Variants in AMN1 observed in about 807,000 individuals in gnomAD.
The protein encoded by AMN1 is protein AMN1 homolog.
AMN1 carries 20 observed loss-of-function variants against 33.0 expected under a neutral mutation model. The ratio of observed to expected loss-of-function variants is 0.61; its 90% confidence interval spans 0.43 to 0.88. The LOEUF is 0.88. Ranked by LOEUF, AMN1 falls within the 40% of genes least tolerant of loss-of-function variation. The pLI, the probability that AMN1 is intolerant of heterozygous loss-of-function variation, is 0.00. For synonymous variants in AMN1, 114 were observed against 111.9 expected (o/e 1.02, Z -0.12); for missense variants, 246 against 307.4 (o/e 0.80, Z 1.49).
intron 1 of AMN1, among the ~76,000 whole-genome samples, chr12:31,724,532 C>CAT (rs1005100477): frequency 1.1e-4 from 16 of 152,016 alleles, no homozygotes; most frequent in Admixed American, 5.2e-4. Flanking sequence ...TTCCATTTAA[C>CAT]ATATATATAT....
At chr12:31,702,830 C>T (rs375456860) in intron 2 of AMN1, among the ~76,000 whole-genome samples, 45 of 152,250 alleles carry the variant, frequency 3.0e-4, no homozygotes, top group African/African-American at 1.0e-3. Context: ...CTCCGCCTCC[C>T]GGGTTCAAGC....
chr12:31,682,123 AAC>A (rs1938043186), intron 6 of AMN1, among the ~76,000 whole-genome samples: 1 of 152,238 alleles, frequency 6.6e-6, no homozygotes, highest in Non-Finnish European at 1.5e-5. Flanking sequence ...AACGAAGTTA[AAC>A]AGTTTCTTAG....
chr12:31,706,621 A>G (rs1939251209), intron 2 of AMN1, among the ~76,000 whole-genome samples: 1 of 152,254 alleles, frequency 6.6e-6, no homozygotes, highest in South Asian at 2.1e-4. Flanking sequence ...CTGCTATTTA[A>G]TAACCTTTAA....
intron 1 of AMN1, among the ~76,000 whole-genome samples, chr12:31,725,770 A>G (rs566709095): frequency 2.0e-5 from 3 of 152,142 alleles, no homozygotes; most frequent in South Asian, 2.1e-4. Flanking sequence ...ATCTTGGCTC[A>G]CTCCAAGCTC....
At chr12:31,705,785 A>C (rs1306414623) in intron 2 of AMN1, among the ~76,000 whole-genome samples, 1 of 152,178 alleles carries the variant, frequency 6.6e-6, no homozygotes, top group African/African-American at 2.4e-5. Flanking sequence ...CTGTGCAGAC[A>C]ACATACAAAA....
rs144883099 is a variant in AMN1, at chr12:31,700,968, C to A, written c.316+895G>T. 8.3e-3 allele frequency among the ~76,000 whole-genome samples: 1,266 copies of A among 151,970 alleles called. 16 individuals are homozygous for A. The highest frequency in any genetic ancestry group is 0.029 in the African/African-American group (1,193 of 41,420). The stretch of plus-strand genomic sequence containing the variant: ...CCTCCCAAAGTGCTGGGATTACAGG[C>A]GTGAGCCAACACGCCTGGCCAATTT... On this transcript the variant is annotated intron_variant, in intron 3 of 6. Coordinates refer to ENST00000281471, the MANE Select transcript of AMN1 (RefSeq NM_001113402.2).
chr12:31,686,218 G>A (rs2139667758), intron 6 of AMN1, among the ~76,000 whole-genome samples: 1 of 152,258 alleles, frequency 6.6e-6, no homozygotes, highest in East Asian at 1.9e-4. Context: ...GACTGAGCCA[G>A]GTGGATCACC....
chr12:31,719,528 AC>A (rs1277656399), intron 1 of AMN1, among the ~76,000 whole-genome samples: 1 of 152,192 alleles, frequency 6.6e-6, no homozygotes, highest in Non-Finnish European at 1.5e-5. Context: ...GATTGTAAGA[AC>A]TTATGTAGCA....
intron 4 of AMN1, 106 bp downstream of exon 4, chr12:31,697,634 G>C: frequency 3.9e-6 from 5 of 1,283,408 alleles, no homozygotes; most frequent in South Asian, 1.3e-5. Flanking sequence ...GTGGTCAATA[G>C]TTTCAACAAA....
intron 1 of AMN1, among the ~76,000 whole-genome samples, chr12:31,722,130 G>C (rs372547493): frequency 5.6e-5 from 8 of 144,066 alleles, no homozygotes; most frequent in African/African-American, 1.8e-4. Context: ...TCAGGCCTTT[G>C]ACACACACAC....
In AMN1 at chr12:31,706,713, T is replaced by C. The variant is rs77983610; in HGVS notation, c.171+2580A>G. On this transcript the variant is annotated intron_variant, in intron 2 of 6. Coordinates refer to ENST00000281471, the MANE Select transcript of AMN1 (RefSeq NM_001113402.2). ...TGATTAACCATCTTTTTCTAGTGCT[T>C]GGGGCTCTCTGCCTTGGAGCTCATC... Among the ~76,000 whole-genome samples, 1,199 of 152,280 alleles carry C rather than the reference T, an allele frequency of 7.9e-3. 18 individuals carry two copies. Among genetic ancestry groups the C allele is most frequent in the African/African-American group, 0.028 (1,154 of 41,554 alleles).
chr12:31,688,269 T>C (rs1044783790), intron 6 of AMN1, among the ~76,000 whole-genome samples: 8 of 152,232 alleles, frequency 5.3e-5, no homozygotes, highest in African/African-American at 1.9e-4. Context: ...GATCCTAATG[T>C]CTACAGTTTG....
At chr12:31,718,433 C>A (rs1345705797) in intron 1 of AMN1, among the ~76,000 whole-genome samples, 1 of 152,116 alleles carries the variant, frequency 6.6e-6, no homozygotes, top group Non-Finnish European at 1.5e-5. Flanking sequence ...CAAACTCATT[C>A]TCTGTCCAGT....
At position 31,699,284 on chromosome 12, in the gene AMN1, C is replaced by T. The variant is rs189086797; in HGVS notation, c.317-1327G>A. Among the ~76,000 whole-genome samples the T allele has an allele frequency of 3.9e-3, 567 of 146,932 alleles. 4 individuals are homozygous for T. Among genetic ancestry groups the T allele is most frequent in the Non-Finnish European group, 3.0e-3 (202 of 66,912 alleles). Reference sequence around the variant, plus strand: ...TACATGCCTGTAATCCCAGCTACTCCGGAGGCTGAGGCAGGAGAATCAGAA... The same window carrying T: ...TACATGCCTGTAATCCCAGCTACTCTGGAGGCTGAGGCAGGAGAATCAGAA... On this transcript the variant is annotated intron_variant, in intron 3 of 6. Transcript: ENST00000281471.
intron 1 of AMN1, 96 bp downstream of exon 1, chr12:31,728,875 G>T: frequency 1.5e-6 from 2 of 1,374,912 alleles, no homozygotes; most frequent in East Asian, 2.6e-5. Context: ...GGCGGGGGGG[G>T]TGGGAAAGGG....
chr12:31,684,433 A>C (rs1308231012), intron 6 of AMN1, among the ~76,000 whole-genome samples: 1 of 152,184 alleles, frequency 6.6e-6, no homozygotes. Context: ...TTAATTTAAC[A>C]AATATACATA....
At chr12:31,681,447 T>G (rs1044769066) in intron 6 of AMN1, among the ~76,000 whole-genome samples, 8 of 152,186 alleles carry the variant, frequency 5.3e-5, no homozygotes, top group African/African-American at 1.9e-4. Flanking sequence ...CAGGCTGGTC[T>G]CATAGTCCTG....
chr12:31,679,227 C>G (rs1332338008), intron 6 of AMN1, among the ~76,000 whole-genome samples: 1 of 152,004 alleles, frequency 6.6e-6, no homozygotes, highest in Non-Finnish European at 1.5e-5. Context: ...TATCCAGAAT[C>G]TAAGTAAAGA....
chr12:31,721,371 G>A (rs148977454), intron 1 of AMN1, among the ~76,000 whole-genome samples: 273 of 152,206 alleles, frequency 1.8e-3, no homozygotes, highest in Non-Finnish European at 2.7e-3. Context: ...CAGCAAGAGG[G>A]AAATATCATC....
Sources: allele counts gnomAD v4.1 joint callset (sites outside exome capture counted in the v4.1 genomes callset), GRCh38; gene constraint gnomAD v4.1.1; transcripts MANE v1.5; gene names NCBI Gene and HGNC (gene_info 2026-07-23, HGNC 2026-07-21).